The following RAB3GAP1 variants were observed in gnomAD, a reference collection of about 807,000 sequenced individuals.
RAB3GAP1 encodes the protein rab3 GTPase-activating protein catalytic subunit.
A neutral mutation model predicts 130.7 loss-of-function variants in RAB3GAP1; 86 were observed. That is an observed-to-expected ratio of 0.66 (90% CI 0.55 to 0.79). RAB3GAP1 has a LOEUF of 0.79. RAB3GAP1 is among the 30% of genes least tolerant of loss of function. RAB3GAP1 has a pLI of 0.00. For missense variants in RAB3GAP1, 1,029 were observed against 1,169.4 expected (o/e 0.88, Z 1.75); for synonymous variants, 367 against 401.7 (o/e 0.91, Z 1.03).
chr2:135,174,800 C>G (rs1357377832), downstream of RAB3GAP1, among the ~76,000 whole-genome samples: 2 of 152,218 alleles, frequency 1.3e-5, no homozygotes, highest in Non-Finnish European at 2.9e-5. Context: ...CTCAACTATT[C>G]TGGGACTGAA....
intron 17 of RAB3GAP1, among the ~76,000 whole-genome samples, chr2:135,139,029 G>A (rs1472804324): frequency 6.6e-6 from 1 of 152,078 alleles, no homozygotes; most frequent in Non-Finnish European, 1.5e-5. Context: ...TCATGAACCT[G>A]AGCATCTTTT....
chr2:135,105,201 C>T (rs1423425046), intron 5 of RAB3GAP1, among the ~76,000 whole-genome samples: 3 of 128,114 alleles, frequency 2.3e-5, no homozygotes, highest in Non-Finnish European at 4.9e-5. Context: ...CCCTCTCCCC[C>T]TTCCCTCTCC....
rs183289561 is a variant in RAB3GAP1 at position 135,164,169 on chromosome 2, G to A, written c.2607-425G>A. On this transcript the variant is annotated intron_variant, in intron 22 of 23. Transcript: ENST00000264158. ...ACAAGTATTTTAAGCATATGTGCAC[G>A]TGTGCGTGCACACACAGACACATAC... 3.2e-4 allele frequency among the ~76,000 whole-genome samples: 48 copies of A among 152,124 alleles called. 1 individual carries two copies. The highest frequency in any genetic ancestry group is 1.1e-3 in the African/African-American group (45 of 41,500).
chr2:135,106,148 C>T (rs545524448), intron 5 of RAB3GAP1, among the ~76,000 whole-genome samples: 1 of 151,988 alleles, frequency 6.6e-6, no homozygotes, highest in East Asian at 2.0e-4. Flanking sequence ...TGGGGGGTGC[C>T]TCCGTCCGGC....
chr2:135,079,922 G>A (rs1689741735), intron 3 of RAB3GAP1, among the ~76,000 whole-genome samples: 1 of 152,114 alleles, frequency 6.6e-6, no homozygotes, highest in African/African-American at 2.4e-5. Flanking sequence ...GAGGTCAGGA[G>A]ATCGAGACCA....
chr2:135,109,999 G>A (rs746224444), intron 5 of RAB3GAP1, among the ~76,000 whole-genome samples: 2 of 151,684 alleles, frequency 1.3e-5, no homozygotes. Flanking sequence ...AAGCTCCCAC[G>A]TAATGTTAGT....
At position 135,123,527 on chromosome 2, in the gene RAB3GAP1, A is replaced by G. The variant is rs140561676; in HGVS notation, c.749-638A>G. 4.1e-3 allele frequency among the ~76,000 whole-genome samples: 617 copies of G among 152,276 alleles called. 2 individuals are homozygous for G. The highest frequency in any genetic ancestry group is 6.4e-3 in the Non-Finnish European group (432 of 68,006). On this transcript the variant is annotated intron_variant, in intron 8 of 23. Transcript: ENST00000264158. The stretch of plus-strand genomic sequence containing the variant: ...TATAGTGTGAATAATTAAATATCAC[A>G]ATTTGTATTATTTCAAAGAGAAAAA...
chr2:135,057,302 T>C (rs1689040701), intron 2 of RAB3GAP1, among the ~76,000 whole-genome samples: 1 of 152,010 alleles, frequency 6.6e-6, no homozygotes, highest in African/African-American at 2.4e-5. Flanking sequence ...TGTTGGGGGC[T>C]GGGGGGGTAA....
intron 11 of RAB3GAP1, among the ~76,000 whole-genome samples, chr2:135,127,491 C>T (rs1330849243): frequency 6.6e-6 from 1 of 151,634 alleles, no homozygotes; most frequent in Non-Finnish European, 1.5e-5. Context: ...CTATAGGCGC[C>T]CGCCACCACG....
At chr2:135,124,627 T>C (rs965521024) in intron 9 of RAB3GAP1, among the ~76,000 whole-genome samples, 6 of 152,138 alleles carry the variant, frequency 3.9e-5, no homozygotes, top group Non-Finnish European at 7.4e-5. Flanking sequence ...ATCACGCCAT[T>C]GCACTCCAAC....
intron 7 of RAB3GAP1, among the ~76,000 whole-genome samples, chr2:135,116,401 G>A (rs1690973574): frequency 6.6e-6 from 1 of 152,080 alleles, no homozygotes; most frequent in South Asian, 2.1e-4. Flanking sequence ...TATTTTCAAA[G>A]TGAGCCATGT....
At chr2:135,141,655 A>G (rs1425188451) in intron 17 of RAB3GAP1, among the ~76,000 whole-genome samples, 1 of 152,108 alleles carries the variant, frequency 6.6e-6, no homozygotes, top group Non-Finnish European at 1.5e-5. Context: ...CAAGTACTGA[A>G]GATATTTTCT....
chr2:135,162,873 A>C, intron 21 of RAB3GAP1, 22 bp downstream of exon 21: 2 of 1,596,878 alleles, frequency 1.3e-6, no homozygotes, highest in Non-Finnish European at 1.7e-6. Flanking sequence ...GTAGTGTCAG[A>C]ATCTTGCCAA....
chr2:135,113,246 C>G lies in RAB3GAP1; in HGVS notation c.458C>G (p.Ser153Cys), dbSNP rs534464918. Reference protein sequence around the residue: ...SKCNLLLSSVSIALGNTGCQV... With the variant: ...SKCNLLLSSVCIALGNTGCQV... ...TGCAACCTTCTTCTGAGTTCTGTTTCTATTGCCTTGGGAAACACTGGCTGG... is the reference window on the plus strand; with the variant it reads ...TGCAACCTTCTTCTGAGTTCTGTTTGTATTGCCTTGGGAAACACTGGCTGG... Residue 153 changes from serine to cysteine, a missense_variant, in exon 6 of 24, where the codon TCT (serine) becomes TGT (cysteine). Ser to Cys is a moderately radical substitution (Grantham distance 112). Coordinates refer to ENST00000264158, the MANE Select transcript of RAB3GAP1 (RefSeq NM_012233.3). 1 of 1,614,132 alleles carries G rather than the reference C, an allele frequency of 6.2e-7. No individual in the cohort carries two copies. Among genetic ancestry groups the G allele is most frequent in the South Asian group, 1.1e-5 (1 of 91,076 alleles).
In RAB3GAP1 at chr2:135,093,750, A is replaced by G. The variant is rs1018312450; in HGVS notation, c.362+57A>G. 3.9e-6 allele frequency: 5 copies of G among 1,266,616 alleles called. No individual in the cohort carries two copies. In the African/African-American group the frequency reaches 5.9e-5, roughly 15 times the overall value. The allele number at this position is 1,266,616 out of a possible 1,614,324, so 78.5% of individuals were successfully genotyped here. A position where few individuals can be genotyped will look rare whatever the true frequency, so the allele number is the denominator to read the frequency against. On this transcript the variant is annotated intron_variant, in intron 5 of 23. Transcript: ENST00000264158. ...TATGTGTGTTGCGGGGGACCTCAAC[A>G]CTGTCCCCAAGTTCAGTGATTTGCT...
chr2:135,098,046 T>C (rs1395631018), intron 5 of RAB3GAP1, among the ~76,000 whole-genome samples: 1 of 152,220 alleles, frequency 6.6e-6, no homozygotes, highest in Non-Finnish European at 1.5e-5. Context: ...CTTGGTATTG[T>C]CAGTATTTGT....
At chr2:135,160,528 C>T (rs373224924) in intron 19 of RAB3GAP1, among the ~76,000 whole-genome samples, 6 of 151,572 alleles carry the variant, frequency 4.0e-5, no homozygotes, top group African/African-American at 1.2e-4. Context: ...AAAAATTGGC[C>T]GGGCAGTAGT....
At chr2:135,111,283 G>T (rs1004198683) in intron 5 of RAB3GAP1, among the ~76,000 whole-genome samples, 1 of 151,858 alleles carries the variant, frequency 6.6e-6, no homozygotes, top group African/African-American at 2.4e-5. Context: ...TCTCTCATAA[G>T]TTATTTTCTT....
At chr2:135,074,317 T>C (rs1048854200) in intron 3 of RAB3GAP1, among the ~76,000 whole-genome samples, 1 of 152,184 alleles carries the variant, frequency 6.6e-6, no homozygotes, top group Non-Finnish European at 1.5e-5. Context: ...ATTGGGGACT[T>C]TCCAACAGAA....
Sources: gnomAD v4.1 joint callset for allele counts (sites outside exome capture counted in the v4.1 genomes callset) on GRCh38, gnomAD v4.1.1 for gene constraint, MANE v1.5 for transcripts, NCBI Gene and HGNC (gene_info 2026-07-23, HGNC 2026-07-21) for gene names.